The following ZCCHC7 variants were observed in gnomAD, a reference collection of about 807,000 sequenced individuals.
ZCCHC7 encodes zinc finger CCHC-type containing 7.
ZCCHC7 carries 35 observed loss-of-function variants against 52.0 expected under a neutral mutation model. That is an observed-to-expected ratio of 0.67 (90% confidence interval 0.51 to 0.89). ZCCHC7 has a LOEUF of 0.89. Ranked by LOEUF, ZCCHC7 falls within the 40% of genes least tolerant of loss-of-function variation. The pLI is 0.00. For synonymous variants in ZCCHC7, 217 were observed against 221.5 expected (o/e 0.98, Z 0.18); for missense variants, 574 against 649.1 (o/e 0.88, Z 1.26).
intron 2 of ZCCHC7, among the ~76,000 whole-genome samples, chr9:37,209,329 C>A (rs1469403158): frequency 6.6e-6 from 1 of 152,132 alleles, no homozygotes; most frequent in Non-Finnish European, 1.5e-5. Flanking sequence ...CATGAGCCAC[C>A]ACGCCTGGCC....
At chr9:37,231,062 G>T (rs1825379225) in intron 2 of ZCCHC7, among the ~76,000 whole-genome samples, 1 of 152,064 alleles carries the variant, frequency 6.6e-6, no homozygotes, top group Non-Finnish European at 1.5e-5. Context: ...TCCTGCGTCA[G>T]CCTCCCCAGC....
intron 2 of ZCCHC7, among the ~76,000 whole-genome samples, chr9:37,236,292 C>G (rs1825645411): frequency 6.6e-6 from 1 of 151,898 alleles, no homozygotes; most frequent in Admixed American, 6.6e-5. Context: ...TTGTATAGAA[C>G]TAGATTTCTA....
At chr9:37,222,634 A>C (rs1218372700) in intron 2 of ZCCHC7, among the ~76,000 whole-genome samples, 1 of 152,128 alleles carries the variant, frequency 6.6e-6, no homozygotes, top group African/African-American at 2.4e-5. Flanking sequence ...TAGAAACTAT[A>C]GTTACCAATA....
At chr9:37,305,104 A>G (rs1035938616) in intron 4 of ZCCHC7, among the ~76,000 whole-genome samples, 3 of 152,232 alleles carry the variant, frequency 2.0e-5, no homozygotes, top group African/African-American at 7.2e-5. Context: ...AGCTCTTAAC[A>G]AACATTTCTT....
At position 37,356,179 on chromosome 9, in the gene ZCCHC7, G is replaced by C. The variant is rs553652932; in HGVS notation, c.1199-656G>C. 2.6e-5 allele frequency among the ~76,000 whole-genome samples: 4 copies of C among 152,254 alleles called. No individual in the cohort carries two copies. The East Asian group carries it at 7.7e-4, about 29-fold the overall frequency. On this transcript the variant is annotated intron_variant, in intron 8 of 8. Transcript: ENST00000336755. ...TCTTTAAAGATTCTATTGACTGCTAGTTTTCATCTCTCACTGTAACCTCAT... is the reference window on the plus strand; with the variant it reads ...TCTTTAAAGATTCTATTGACTGCTACTTTTCATCTCTCACTGTAACCTCAT...
At chr9:37,328,168 T>A (rs1830324104) in intron 6 of ZCCHC7, among the ~76,000 whole-genome samples, 1 of 152,054 alleles carries the variant, frequency 6.6e-6, no homozygotes, top group Admixed American at 6.6e-5. Flanking sequence ...CTTTAAAATG[T>A]TGTATTATCC....
intron 2 of ZCCHC7, among the ~76,000 whole-genome samples, chr9:37,215,033 T>G (rs1163226880): frequency 6.6e-6 from 1 of 152,110 alleles, no homozygotes; most frequent in Non-Finnish European, 1.5e-5. Flanking sequence ...GCTTGCTTTA[T>G]GAAACCTTTT....
intron 2 of ZCCHC7, among the ~76,000 whole-genome samples, chr9:37,225,159 T>C (rs1385926666): frequency 6.6e-6 from 1 of 152,178 alleles, no homozygotes; most frequent in Non-Finnish European, 1.5e-5. Context: ...TCATTAGTAA[T>C]GCAAGGAGGA....
intron 2 of ZCCHC7, among the ~76,000 whole-genome samples, chr9:37,246,261 T>C (rs1826076981): frequency 6.6e-6 from 1 of 152,036 alleles, no homozygotes; most frequent in South Asian, 2.1e-4. Context: ...ATGATCTAAT[T>C]TGAGGTGTCC....
intron 2 of ZCCHC7, among the ~76,000 whole-genome samples, chr9:37,289,569 T>C (rs2133618753): frequency 6.6e-6 from 1 of 152,342 alleles, no homozygotes; most frequent in East Asian, 1.9e-4. Context: ...GTACTATCTT[T>C]TTTGGACTGA....
intron 5 of ZCCHC7, among the ~76,000 whole-genome samples, chr9:37,321,006 T>G (rs1348163272): frequency 8.3e-6 from 1 of 120,682 alleles, no homozygotes; most frequent in Non-Finnish European, 1.8e-5. Context: ...TTTTTTTTTT[T>G]GAGATGGAAT....
chr9:37,130,525 C>T (rs1457302525), intron 2 of ZCCHC7, among the ~76,000 whole-genome samples: 5 of 147,678 alleles, frequency 3.4e-5, no homozygotes, highest in African/African-American at 1.2e-4. Flanking sequence ...CAGAGTCTCG[C>T]TCTGTCGCCC....
intron 6 of ZCCHC7, among the ~76,000 whole-genome samples, chr9:37,330,001 G>A (rs1424141250): frequency 1.3e-5 from 2 of 151,762 alleles, no homozygotes; most frequent in Admixed American, 6.6e-5. Context: ...ATCCAGTTTG[G>A]AGATGTTTAT....
At chr9:37,229,436 A>T (rs1825289646) in intron 2 of ZCCHC7, among the ~76,000 whole-genome samples, 1 of 152,170 alleles carries the variant, frequency 6.6e-6, no homozygotes, top group Non-Finnish European at 1.5e-5. Context: ...GCATAGCCTC[A>T]TGCACACCTA....
intron 2 of ZCCHC7, among the ~76,000 whole-genome samples, chr9:37,179,379 G>A (rs1822229506): frequency 6.6e-6 from 1 of 152,118 alleles, no homozygotes; most frequent in African/African-American, 2.4e-5. Flanking sequence ...TGCCGTAATA[G>A]TGCGCTGTGT....
intron 5 of ZCCHC7, among the ~76,000 whole-genome samples, chr9:37,306,941 C>T (rs1829355714): frequency 6.6e-6 from 1 of 151,514 alleles, no homozygotes; most frequent in Non-Finnish European, 1.5e-5. Context: ...GCGCCCACCA[C>T]CATGCCTGGC....
intron 2 of ZCCHC7, among the ~76,000 whole-genome samples, chr9:37,250,946 T>G (rs934784262): frequency 1.3e-5 from 2 of 152,188 alleles, no homozygotes; most frequent in Non-Finnish European, 2.9e-5. Context: ...TGGATGGTAT[T>G]GACAAGCCTC....
chr9:37,302,040 C>T, intron 2 of ZCCHC7, 148 bp from the exon 3 acceptor site: 1 of 649,272 alleles, frequency 1.5e-6, no homozygotes. Context: ...TAATTAATAA[C>T]AGAGCCAAAA....
intron 2 of ZCCHC7, among the ~76,000 whole-genome samples, chr9:37,211,491 T>C (rs1824211562): frequency 6.6e-6 from 1 of 151,774 alleles, no homozygotes; most frequent in South Asian, 2.1e-4. Context: ...TCACAGTGCT[T>C]TGATTCACAC....
Sources: gnomAD v4.1 joint callset for allele counts (sites outside exome capture counted in the v4.1 genomes callset) on GRCh38, gnomAD v4.1.1 for gene constraint, MANE v1.5 for transcripts, NCBI Gene and HGNC (gene_info 2026-07-23, HGNC 2026-07-21) for gene names.